Variants in COL22A1 observed in about 807,000 individuals in gnomAD.
COL22A1 encodes the protein collagen type XXII alpha 1 chain, also known as collagen alpha-1(XXII) chain.
COL22A1 carries 221 observed loss-of-function variants against 248.9 expected under a neutral mutation model. The observed-to-expected ratio is 0.89, with a 90% CI of 0.80 to 0.99. COL22A1 has a LOEUF of 0.99. COL22A1 is among the 50% of genes least tolerant of loss of function. COL22A1 has a pLI of 0.00. For missense variants in COL22A1, 2,240 were observed against 2,179.0 expected, an observed-to-expected ratio of 1.03 and a Z score of -0.56; for synonymous variants, 891 against 793.4, an observed-to-expected ratio of 1.12 and a Z score of -2.07.
At chr8:138,778,188 A>G in intron 15 of COL22A1, 165 bp downstream of exon 15, 1 of 753,252 alleles carries the variant, frequency 1.3e-6, no homozygotes, top group Non-Finnish European at 2.4e-6. Flanking sequence ...GGACTGTAAC[A>G]TCTAATAATT....
Position 138,613,606 on chromosome 8 carries a change from C to T in COL22A1, c.3978+261G>A, listed in dbSNP as rs1408403032. On this transcript the variant is annotated intron_variant, in intron 56 of 64. Coordinates refer to ENST00000303045, the MANE Select transcript of COL22A1 (RefSeq NM_152888.3). The stretch of plus-strand genomic sequence containing the variant: ...CCAGAGCTAGAGCACAGCCTCGGGG[C>T]AAGGTCCTATAGAGCTCCAGCAGTG... Among the ~76,000 whole-genome samples the T allele has an allele frequency of 2.0e-5, 3 of 151,708 alleles. No individual in the cohort carries two copies. In the East Asian group the frequency reaches 5.9e-4, roughly 30 times the overall value.
At chr8:138,907,861 C>T (rs1265224122) in intron 1 of COL22A1, among the ~76,000 whole-genome samples, 1 of 152,204 alleles carries the variant, frequency 6.6e-6, no homozygotes, top group Non-Finnish European at 1.5e-5. Context: ...GTTCCTACAA[C>T]AGCAATAGTA....
At chr8:138,679,475 G>T in intron 40 of COL22A1, 142 bp downstream of exon 40, 1 of 716,896 alleles carries the variant, frequency 1.4e-6, no homozygotes, top group South Asian at 1.6e-5. Context: ...CCTTGTCTGG[G>T]ATCTTCTTCC....
At chr8:138,701,459 C>G (rs1003279931) in intron 31 of COL22A1, among the ~76,000 whole-genome samples, 6 of 152,168 alleles carry the variant, frequency 3.9e-5, no homozygotes, top group Non-Finnish European at 8.8e-5. Flanking sequence ...CTATATCTTG[C>G]CCTCCATGTC....
intron 16 of COL22A1, among the ~76,000 whole-genome samples, chr8:138,765,705 G>C (rs1434124889): frequency 1.3e-5 from 2 of 152,228 alleles, no homozygotes; most frequent in Non-Finnish European, 2.9e-5. Context: ...GTCACGCCCA[G>C]AGAAAGAGAG....
intron 11 of COL22A1, among the ~76,000 whole-genome samples, chr8:138,800,207 C>T (rs555172470): frequency 6.6e-6 from 1 of 152,126 alleles, no homozygotes; most frequent in Non-Finnish European, 1.5e-5. Flanking sequence ...CACTGGGGAG[C>T]CTCCACTGTA....
At chr8:138,736,635 G>T (rs980250558) in intron 23 of COL22A1, among the ~76,000 whole-genome samples, 1 of 152,102 alleles carries the variant, frequency 6.6e-6, no homozygotes, top group Non-Finnish European at 1.5e-5. Flanking sequence ...GGCACAGCTG[G>T]ACCTGTGGAA....
chr8:138,705,795 T>G (rs1029833521), intron 30 of COL22A1, among the ~76,000 whole-genome samples: 1 of 152,134 alleles, frequency 6.6e-6, no homozygotes, highest in African/African-American at 2.4e-5. Flanking sequence ...TAACCTTAAA[T>G]GTAAATGGGC....
intron 4 of COL22A1, among the ~76,000 whole-genome samples, chr8:138,837,492 G>A (rs1820525051): frequency 2.0e-5 from 3 of 152,222 alleles, no homozygotes; most frequent in Admixed American, 2.0e-4. Flanking sequence ...CCCAGAGGCT[G>A]CAGTCTCAGC....
At chr8:138,836,458 G>A (rs1478234356) in intron 4 of COL22A1, among the ~76,000 whole-genome samples, 2 of 152,116 alleles carry the variant, frequency 1.3e-5, no homozygotes, top group Admixed American at 6.5e-5. Context: ...AGTTTTAAAT[G>A]AGAAAATGTA....
intron 22 of COL22A1, among the ~76,000 whole-genome samples, chr8:138,749,492 A>C (rs955387433): frequency 1.3e-5 from 2 of 152,238 alleles, no homozygotes; most frequent in African/African-American, 4.8e-5. Flanking sequence ...TAAATGTACA[A>C]AGATTGTTGT....
chr8:138,908,588 A>T (rs557628331), intron 1 of COL22A1, among the ~76,000 whole-genome samples: 4 of 152,180 alleles, frequency 2.6e-5, no homozygotes, highest in African/African-American at 2.4e-5. Context: ...GCCATTTACT[A>T]TCTAAGGGAC....
chr8:138,781,341 G>A (rs888075412), intron 12 of COL22A1, among the ~76,000 whole-genome samples: 5 of 152,092 alleles, frequency 3.3e-5, no homozygotes, highest in Non-Finnish European at 7.4e-5. Flanking sequence ...GGGCTGCAGC[G>A]GGGCTCTCAA....
At chr8:138,852,283 CG>C (rs1009727922) in intron 3 of COL22A1, among the ~76,000 whole-genome samples, 1 of 151,136 alleles carries the variant, frequency 6.6e-6, no homozygotes, top group African/African-American at 2.4e-5. Flanking sequence ...CCACAGTGGT[CG>C]GGGGGAAGGG....
chr8:138,667,609 G>T (rs534554834), intron 41 of COL22A1, among the ~76,000 whole-genome samples: 1 of 152,298 alleles, frequency 6.6e-6, no homozygotes, highest in Admixed American at 6.5e-5. Context: ...ACAAGGGAAA[G>T]ACTTCAAGCA....
chr8:138,748,191 G>A (rs753427286), intron 22 of COL22A1, among the ~76,000 whole-genome samples: 4 of 152,046 alleles, frequency 2.6e-5, no homozygotes, highest in Non-Finnish European at 2.9e-5. Flanking sequence ...CCAGCCCCCC[G>A]GCTCCTCTCA....
chr8:138,655,138 G>A (rs1178626256), intron 45 of COL22A1, among the ~76,000 whole-genome samples: 1 of 152,090 alleles, frequency 6.6e-6, no homozygotes, highest in African/African-American at 2.4e-5. Flanking sequence ...AGTATCTCAG[G>A]CTTCTTATAT....
intron 1 of COL22A1, among the ~76,000 whole-genome samples, chr8:138,911,187 A>G (rs562564208): frequency 6.6e-6 from 1 of 152,224 alleles, no homozygotes; most frequent in African/African-American, 2.4e-5. Flanking sequence ...AGGTCTTCCA[A>G]CTGAACTGGA....
At chr8:138,810,148 G>A (rs1281623267) in intron 9 of COL22A1, among the ~76,000 whole-genome samples, 1 of 152,186 alleles carries the variant, frequency 6.6e-6, no homozygotes, top group Non-Finnish European at 1.5e-5. Context: ...GAGAGGGAGG[G>A]AAGGAGGAAG....
Sources: allele counts gnomAD v4.1 joint callset (sites outside exome capture counted in the v4.1 genomes callset), GRCh38; gene constraint gnomAD v4.1.1; transcripts MANE v1.5; gene names NCBI Gene and HGNC (gene_info 2026-07-23, HGNC 2026-07-21).